DISP3: variants seen among roughly 807,000 people sequenced by gnomAD.
DISP3 encodes the protein dispatched RND transporter family member 3, also known as protein dispatched homolog 3.
In DISP3, 101 loss-of-function variants were observed where a neutral mutation model predicts 135.3. The ratio of observed to expected loss-of-function variants is 0.75; its 90% CI spans 0.64 to 0.88. The LOEUF (loss-of-function observed/expected upper bound fraction) is 0.88. Among genes scored for constraint, DISP3 ranks in the 40% least tolerant of loss-of-function variants. The pLI, the probability that DISP3 is intolerant of heterozygous loss-of-function variation, is 0.00. For synonymous variants in DISP3, 856 were observed against 817.0 expected (o/e 1.05, Z -0.81); for missense variants, 1,713 against 1,878.6 (o/e 0.91, Z 1.63).
At chr1:11,488,664 T>TTTGCAGACAC (rs1641103251) in intron 1 of DISP3, among the ~76,000 whole-genome samples, 1 of 151,988 alleles carries the variant, frequency 6.6e-6, no homozygotes, top group African/African-American at 2.4e-5. Flanking sequence ...TGTGTGTGTG[T>TTTGCAGACAC]GTGTTTGCAG....
chr1:11,502,700 T>C lies in DISP3; in HGVS notation c.1119T>C (p.Thr373=). The stretch of plus-strand genomic sequence containing the variant: ...CAGGCTCCCTGGAGCTGGCCATGAC[T>C]CACCCTGAGTTCTACTGGTATGTGG... ...DIRGSLELAM[T]HPEFYWYVDE... Residue 373 remains threonine (T), a synonymous_variant, in exon 3 of 21, where the codon ACT becomes ACC. Coordinates refer to ENST00000294484, the MANE Select transcript of DISP3 (RefSeq NM_020780.2). 1 of 1,614,048 alleles carries C rather than the reference T, an allele frequency of 6.2e-7. No homozygotes were observed. The highest frequency in any genetic ancestry group is 8.5e-7 in the Non-Finnish European group (1 of 1,179,996).
chr1:11,492,437 C>G (rs890955060), intron 1 of DISP3, among the ~76,000 whole-genome samples: 1 of 152,190 alleles, frequency 6.6e-6, no homozygotes, highest in Non-Finnish European at 1.5e-5. Context: ...AGTTTCCTCA[C>G]CAGCTGTCAG....
rs538825461 is a variant in DISP3 at position 11,537,144 on chromosome 1, C to T, written c.*458C>T. The T allele has an allele frequency of 8.0e-5, 13 of 161,546 alleles. No individual in the cohort carries two copies. The South Asian group carries it at 2.0e-3, about 25-fold the overall frequency. The allele number at this position is 161,546 out of a possible 1,614,324, so 10.0% of individuals were successfully genotyped here. A position where few individuals can be genotyped will look rare whatever the true frequency, so the allele number is the denominator to read the frequency against. On this transcript the variant is annotated 3_prime_UTR_variant, in exon 21 of 21. Coordinates refer to ENST00000294484, the MANE Select transcript of DISP3 (RefSeq NM_020780.2). Reference sequence around the variant, plus strand: ...TAGCAGAGCCAGAGCTGCCTCCGAGCGCCATGCCGCCCTCGGGAATCATAC... The same window carrying T: ...TAGCAGAGCCAGAGCTGCCTCCGAGTGCCATGCCGCCCTCGGGAATCATAC...
rs913885621 is a variant in DISP3 at position 11,527,324 on chromosome 1, C to T, written c.2798+489C>T. On this transcript the variant is annotated intron_variant, in intron 13 of 20. Coordinates refer to ENST00000294484, the MANE Select transcript of DISP3 (RefSeq NM_020780.2). ...TCCCACCTCGGGAGGCCGAGGTGGG[C>T]GGATCACGAGGTCAGCCGATCGAGA... Among the ~76,000 whole-genome samples, 17 of 152,114 alleles carry T rather than the reference C, an allele frequency of 1.1e-4. 1 individual carries two copies. Among genetic ancestry groups the T allele is most frequent in the South Asian group, 8.3e-4 (4 of 4,828 alleles).
chr1:11,482,774 G>A (rs1346909841), intron 1 of DISP3, among the ~76,000 whole-genome samples: 1 of 152,120 alleles, frequency 6.6e-6, no homozygotes, highest in African/African-American at 2.4e-5. Flanking sequence ...GTGTGGGATT[G>A]TCCATCAGTC....
chr1:11,523,900 G>A (rs1642328734), intron 10 of DISP3, 42 bp from the exon 11 acceptor site: 4 of 1,529,468 alleles, frequency 2.6e-6, no homozygotes, highest in Non-Finnish European at 3.6e-6. Flanking sequence ...AGGCCAGGAT[G>A]TCCTGCTGTC....
chr1:11,528,302 G>A (rs1642481196), intron 13 of DISP3, among the ~76,000 whole-genome samples: 1 of 152,130 alleles, frequency 6.6e-6, no homozygotes, highest in African/African-American at 2.4e-5. Context: ...GCTGCATTCT[G>A]TGCTCTCGGG....
chr1:11,506,440 A>AT lies in DISP3; in HGVS notation c.1316+3552dup, dbSNP rs934094110. Among the ~76,000 whole-genome samples the AT allele has an allele frequency of 2.6e-4, 39 of 148,302 alleles. No individual in the cohort carries two copies. In the East Asian group the frequency reaches 4.0e-3, roughly 15 times the overall value. On this transcript the variant is annotated intron_variant, in intron 3 of 20. Transcript: ENST00000294484. ...CTTTTTTTCTGGGTTTTATTTTTTTATTTTTTTTTCTATGCTTTGGTTTAG... is the reference window on the plus strand; with the variant it reads ...CTTTTTTTCTGGGTTTTATTTTTTTATTTTTTTTTTCTATGCTTTGGTTTAG...
At chr1:11,530,827 C>CTCCAG in intron 15 of DISP3, 80 bp from the exon 16 acceptor site, 1 of 1,568,704 alleles carries the variant, frequency 6.4e-7, no homozygotes, top group Non-Finnish European at 8.7e-7. Context: ...AGGTTCTGCC[C>CTCCAG]CAGGGTTGGG....
intron 15 of DISP3, among the ~76,000 whole-genome samples, chr1:11,530,160 A>T (rs1642539863): frequency 6.6e-6 from 1 of 151,972 alleles, no homozygotes; most frequent in Non-Finnish European, 1.5e-5. Flanking sequence ...TCTTAGATTC[A>T]CCCAGGAATC....
chr1:11,494,124 TTAG>T lies in DISP3; in HGVS notation c.-3-6862_-3-6860del, dbSNP rs540006512. Among the ~76,000 whole-genome samples, 48 of 152,350 alleles carry T rather than the reference TTAG, an allele frequency of 3.2e-4. No individual in the cohort carries two copies. In the South Asian group the frequency reaches 8.3e-3, roughly 26 times the overall value. ...GGGGTTCAAACTCCAGTTCTGCCCC[TTAG>T]TAGCTGTGTGACCACCAGGGAGTCA... On this transcript the variant is annotated intron_variant, in intron 1 of 20. Coordinates refer to ENST00000294484, the MANE Select transcript of DISP3 (RefSeq NM_020780.2).
intron 1 of DISP3, among the ~76,000 whole-genome samples, chr1:11,490,716 C>T (rs1641160661): frequency 6.6e-6 from 1 of 152,040 alleles, no homozygotes; most frequent in Non-Finnish European, 1.5e-5. Flanking sequence ...GAGGGTTAGT[C>T]GGGTGGAATT....
Position 11,502,024 on chromosome 1 carries a change from T to TC in DISP3, c.1035dup (p.Thr346HisfsTer10), listed in dbSNP as rs1641552594. 6.3e-7 allele frequency: 1 copy of TC among 1,593,232 alleles called. No individual in the cohort carries two copies. The highest frequency in any genetic ancestry group is 8.5e-7 in the Non-Finnish European group (1 of 1,169,726). On this transcript the variant is annotated frameshift_variant, in exon 2 of 21. Coordinates refer to ENST00000294484, the MANE Select transcript of DISP3 (RefSeq NM_020780.2). LOFTEE classifies it high-confidence loss of function. The stretch of plus-strand genomic sequence containing the variant: ...CCAGCTCGCTCATGACCTACTTTTT[T>TC]CCCACCGAGAGGGGCGGCAAGATCT...
At chr1:11,511,187 G>A (rs1431966697) in intron 3 of DISP3, among the ~76,000 whole-genome samples, 1 of 152,120 alleles carries the variant, frequency 6.6e-6, no homozygotes, top group Non-Finnish European at 1.5e-5. Context: ...CAATTCTCAT[G>A]TCCTCACATT....
intron 1 of DISP3, among the ~76,000 whole-genome samples, chr1:11,480,332 C>A (rs1025251660): frequency 1.3e-5 from 2 of 152,188 alleles, no homozygotes; most frequent in Non-Finnish European, 2.9e-5. Flanking sequence ...CACGCGCACA[C>A]TCACACCCAT....
At chr1:11,532,588 C>T (rs1430629581) in intron 17 of DISP3, among the ~76,000 whole-genome samples, 3 of 152,206 alleles carry the variant, frequency 2.0e-5, no homozygotes, top group Admixed American at 2.0e-4. Context: ...TCAGCGAGCC[C>T]CCAGGCAAAT....
chr1:11,502,085 C>A lies in DISP3; in HGVS notation c.1093C>A (p.Arg365=). ...DGMGQDLADI[R]GSLELAMTHP... ...CATGGGCCAGGACCTGGCGGACATC[C>A]GGGGTGAGCCGCCGGGATGCTGGGA... Residue 365 remains arginine (R), a synonymous_variant, in exon 2 of 21, where the codon CGG becomes AGG. Coordinates refer to ENST00000294484, the MANE Select transcript of DISP3 (RefSeq NM_020780.2). 6.5e-7 allele frequency: 1 copy of A among 1,546,620 alleles called. No individual in the cohort carries two copies. The highest frequency in any genetic ancestry group is 8.7e-7 in the Non-Finnish European group (1 of 1,146,930).
At position 11,501,849 on chromosome 1, in the gene DISP3, A is replaced by C. The variant is rs772310755; in HGVS notation, c.857A>C (p.Glu286Ala). ...ELIFLARGDA[E>A]RNIFTSERLV... ...ATCTTCCTGGCGCGCGGCGACGCGG[A>C]GCGCAACATTTTCACCAGTGAGCGC... Residue 286 changes from glutamate (E) to alanine (A), a missense_variant, in exon 2 of 21, where the codon GAG (glutamate) becomes GCG (alanine). By Grantham distance (107) the Glu-to-Ala change is moderately radical. This residue lies in a region of DISP3 where 571 missense variants were observed against 494.1 expected (regional missense o/e 1.16). Coordinates refer to ENST00000294484, the MANE Select transcript of DISP3 (RefSeq NM_020780.2). The surrounding 1 kb of genome is among the most constrained non-coding windows in gnomAD (Gnocchi z 4.9). The C allele has an allele frequency of 6.2e-7, 1 of 1,612,366 alleles. No individual in the cohort carries two copies. Among genetic ancestry groups the C allele is most frequent in the South Asian group, 1.1e-5 (1 of 90,956 alleles).
Position 11,515,455 on chromosome 1 carries a change from T to C in DISP3, c.1540T>C (p.Tyr514His). The change falls in exon 5 of 21, where the codon TAC becomes CAC. Residue 514 changes from tyrosine to histidine, a missense_variant. By Grantham distance (83) the Tyr-to-His change is moderately conservative. Coordinates refer to ENST00000294484, the MANE Select transcript of DISP3 (RefSeq NM_020780.2). Reference protein sequence around the residue: ...FLYHVVFGIQYLGILNGVAAF... With the variant: ...FLYHVVFGIQHLGILNGVAAF... ...GTACCACGTGGTCTTTGGTATCCAG[T>C]ACTTGGGCATCCTGAATGGGGTGGC... 6.2e-7 allele frequency: 1 copy of C among 1,613,394 alleles called. No individual in the cohort carries two copies. Among genetic ancestry groups the C allele is most frequent in the East Asian group, 2.2e-5 (1 of 44,882 alleles).
Sources: gnomAD v4.1 joint callset for allele counts (sites outside exome capture counted in the v4.1 genomes callset) on GRCh38, gnomAD v4.1.1 for gene constraint, gnomAD v4.1.1 regional missense constraint, Gnocchi (gnomAD v3.1) non-coding constraint, MANE v1.5 for transcripts, NCBI Gene and HGNC (gene_info 2026-07-23, HGNC 2026-07-21) for gene names.